ZNF608: variants seen among roughly 807,000 people sequenced by gnomAD.
ZNF608 encodes the protein renal carcinoma antigen NY-REN-36.
ZNF608 carries 12 observed loss-of-function variants against 109.0 expected under a neutral mutation model. That is an observed-to-expected ratio of 0.11 (90% CI 0.07 to 0.18). The LOEUF is 0.18. ZNF608 is among the 10% of genes least tolerant of loss of function. The pLI is 1.00. For synonymous variants in ZNF608, 732 were observed against 717.4 expected (o/e 1.02, Z -0.33); for missense variants, 1,707 against 1,879.3 (o/e 0.91, Z 1.70).
chr5:124,711,000 C>T (rs577537336), intron 2 of ZNF608, among the ~76,000 whole-genome samples: 147 of 152,276 alleles, frequency 9.7e-4, no homozygotes, highest in African/African-American at 3.3e-3. Flanking sequence ...ACTGAAGAAA[C>T]TTAGTCTTAA....
intron 3 of ZNF608, among the ~76,000 whole-genome samples, chr5:124,694,142 A>ATTTTTTT (rs11320730): frequency 8.3e-4 from 53 of 63,930 alleles, no homozygotes; most frequent in South Asian, 4.0e-3. Context: ...CGCTCGGCTA[A>ATTTTTTT]TTTTTTTTTT....
chr5:124,701,199 G>A lies in ZNF608; in HGVS notation c.977C>T (p.Pro326Leu), dbSNP rs756425251. 1 of 1,614,156 alleles carries A rather than the reference G, an allele frequency of 6.2e-7. No individual in the cohort carries two copies. The highest frequency in any genetic ancestry group is 1.7e-5 in the Admixed American group (1 of 60,014). ...GGATGAAGATGGGGAAAAGTAGGAG[G>A]GTAGAATCTGAGGCGTGAGACTGCT... ...ISSSLTPQILPSYFSPSSSNI... is the reference protein window; with the variant it reads ...ISSSLTPQILLSYFSPSSSNI... Residue 326 changes from proline to leucine, a missense_variant, in exon 3 of 10, where the codon CCC becomes CTC. Pro to Leu is a moderately conservative substitution (Grantham distance 98). This residue lies in a region of ZNF608 where 407 missense variants were observed against 398.7 expected (regional missense o/e 1.02). Coordinates refer to ENST00000513986, the MANE Select transcript of ZNF608 (RefSeq NM_020747.3).
rs2149784765 is a variant in ZNF608, at chr5:124,644,263, G to A, written c.4104C>T (p.Val1368=). The A allele has an allele frequency of 6.2e-7, 1 of 1,610,472 alleles. No individual in the cohort carries two copies. The highest frequency in any genetic ancestry group is 2.2e-5 in the East Asian group (1 of 44,764). The change falls in exon 6 of 10, where the codon GTC becomes GTT. Residue 1368 remains valine (V), a synonymous_variant. Coordinates refer to ENST00000513986, the MANE Select transcript of ZNF608 (RefSeq NM_020747.3). ...ACGTACCAGGATAACTGTGCATTAG[G>A]ACGGGAGAAACAGCCCGGTATGCAG... ...SHPAYRAVSP[V]LMHSYPGAYL... is the part of the protein sequence containing the mutation.
In ZNF608 at chr5:124,643,599, G is replaced by C; in HGVS notation, c.4208C>G (p.Pro1403Arg). 1 of 1,614,174 alleles carries C rather than the reference G, an allele frequency of 6.2e-7. No individual in the cohort carries two copies. Among genetic ancestry groups the C allele is most frequent in the Non-Finnish European group, 8.5e-7 (1 of 1,180,032 alleles). ...REETEKVNTSPSVNTKTTTES... is the reference protein window; with the variant it reads ...REETEKVNTSRSVNTKTTTES... ...AGTGGTTGTTTTCGTGTTGACGCTA[G>C]GGCTGGTATTGACTTTCTCTGTCTC... The change falls in exon 7 of 10, where the codon CCT (proline) becomes CGT (arginine). Residue 1403 changes from proline (P) to arginine (R), a missense_variant. Coordinates refer to ENST00000513986, the MANE Select transcript of ZNF608 (RefSeq NM_020747.3).
At chr5:124,641,588 C>T (rs1019830418) in intron 7 of ZNF608, among the ~76,000 whole-genome samples, 183 bp from the exon 8 acceptor site, 28 of 152,082 alleles carry the variant, frequency 1.8e-4, no homozygotes, top group Admixed American at 1.8e-3. Flanking sequence ...TGGAATTAAG[C>T]CAACACAAAA....
chr5:124,692,149 A>G (rs1368281443), intron 3 of ZNF608, among the ~76,000 whole-genome samples: 1 of 152,220 alleles, frequency 6.6e-6, no homozygotes, highest in Non-Finnish European at 1.5e-5. Context: ...TACAATAACA[A>G]GGTTGGAAGC....
chr5:124,688,709 C>A (rs905815138), intron 3 of ZNF608, among the ~76,000 whole-genome samples: 1 of 152,058 alleles, frequency 6.6e-6, no homozygotes, highest in Non-Finnish European at 1.5e-5. Flanking sequence ...ACTATGTAAT[C>A]CTATTTATAT....
chr5:124,736,084 C>T (rs1749128171), intron 2 of ZNF608, among the ~76,000 whole-genome samples: 1 of 151,772 alleles, frequency 6.6e-6, no homozygotes, highest in Non-Finnish European at 1.5e-5. Flanking sequence ...TACTTCTTAA[C>T]TGGCTCAAGG....
intron 3 of ZNF608, among the ~76,000 whole-genome samples, chr5:124,699,148 C>A (rs1580650150): frequency 6.6e-6 from 1 of 152,190 alleles, no homozygotes; most frequent in East Asian, 1.9e-4. Context: ...TAAACAAATT[C>A]ACTGTGACCT....
At chr5:124,704,915 G>A (rs1753198601) in intron 2 of ZNF608, among the ~76,000 whole-genome samples, 1 of 152,058 alleles carries the variant, frequency 6.6e-6, no homozygotes, top group Admixed American at 6.5e-5. Context: ...CCCACAAGCA[G>A]AAAATTGACA....
chr5:124,720,932 C>T (rs1753878078), intron 2 of ZNF608, among the ~76,000 whole-genome samples: 1 of 144,452 alleles, frequency 6.9e-6, no homozygotes, highest in Admixed American at 7.1e-5. Flanking sequence ...TTCTCTCTTA[C>T]TTTTGAATAA....
At chr5:124,723,295 C>T (rs1482204522) in intron 2 of ZNF608, among the ~76,000 whole-genome samples, 1 of 152,142 alleles carries the variant, frequency 6.6e-6, no homozygotes, top group African/African-American at 2.4e-5. Flanking sequence ...AGGCGTGAGC[C>T]GCGCCCTGCC....
At chr5:124,715,229 C>T (rs1190409530) in intron 2 of ZNF608, among the ~76,000 whole-genome samples, 5 of 152,082 alleles carry the variant, frequency 3.3e-5, no homozygotes, top group Non-Finnish European at 7.4e-5. Flanking sequence ...ACCATTTATT[C>T]TTGCACAGTT....
intron 8 of ZNF608, among the ~76,000 whole-genome samples, chr5:124,640,643 A>G (rs1750197276): frequency 6.6e-6 from 1 of 152,258 alleles, no homozygotes; most frequent in South Asian, 2.1e-4. Flanking sequence ...CTATGAGATG[A>G]CAAAGATGGG....
chr5:124,713,492 C>CA (rs1263217577), intron 2 of ZNF608, among the ~76,000 whole-genome samples: 1 of 152,216 alleles, frequency 6.6e-6, no homozygotes, highest in South Asian at 2.1e-4. Context: ...TTCTCTCCCA[C>CA]AAAAAGAATT....
chr5:124,653,733 G>A (rs1750890768), intron 3 of ZNF608, among the ~76,000 whole-genome samples: 1 of 152,108 alleles, frequency 6.6e-6, no homozygotes, highest in South Asian at 2.1e-4. Context: ...AGCCCAACAG[G>A]GACTTATGTT....
At chr5:124,715,872 G>A (rs184741597) in intron 2 of ZNF608, among the ~76,000 whole-genome samples, 148 of 152,170 alleles carry the variant, frequency 9.7e-4, no homozygotes, top group African/African-American at 3.1e-3. Context: ...GGCCGGGCGC[G>A]GTGGCTCACG....
In ZNF608 at chr5:124,705,058, C is replaced by T. The variant is rs555997106; in HGVS notation, c.907-3789G>A. 9.9e-5 allele frequency among the ~76,000 whole-genome samples: 15 copies of T among 152,256 alleles called. No homozygotes were observed. In the East Asian group the frequency reaches 1.5e-3, roughly 16 times the overall value. ...TTCTCTTGTGTATCTCAGTGTCAAA[C>T]GTGAAGTCACATGTATCATATGTAA... On this transcript the variant is annotated intron_variant, in intron 2 of 9. Transcript: ENST00000513986.
At chr5:124,716,941 C>A (rs745549074) in intron 2 of ZNF608, among the ~76,000 whole-genome samples, 1 of 151,294 alleles carries the variant, frequency 6.6e-6, no homozygotes, top group Non-Finnish European at 1.5e-5. Flanking sequence ...ATTAGCCGGG[C>A]CATGGTGGTG....
Sources: allele counts gnomAD v4.1 joint callset (sites outside exome capture counted in the v4.1 genomes callset), GRCh38; gene constraint gnomAD v4.1.1; regional missense constraint gnomAD v4.1.1; transcripts MANE v1.5; gene names NCBI Gene and HGNC (gene_info 2026-07-23, HGNC 2026-07-21).